MAGI2: variants seen among roughly 807,000 people sequenced by gnomAD.
MAGI2 encodes membrane-associated guanylate kinase, WW and PDZ domain-containing protein 2.
Under a neutral mutation model 133.3 loss-of-function variants are expected in MAGI2, and 35 were observed. The ratio of observed to expected loss-of-function variants is 0.26; its 90% CI spans 0.20 to 0.35. The LOEUF (loss-of-function observed/expected upper bound fraction) is 0.35. Ranked by LOEUF, MAGI2 falls within the 10% of genes least tolerant of loss-of-function variation. MAGI2 has a pLI of 1.00. For missense variants in MAGI2, 1,636 were observed against 1,863.4 expected (o/e 0.88, Z 2.25); for synonymous variants, 729 against 710.6 (o/e 1.03, Z -0.41).
intron 6 of MAGI2, among the ~76,000 whole-genome samples, chr7:78,410,893 TAATTTATA>T (rs1797811751): frequency 6.6e-6 from 1 of 152,044 alleles, no homozygotes; most frequent in Non-Finnish European, 1.5e-5. Flanking sequence ...GCTCGGGAGC[TAATTTATA>T]AATATAAGCA....
chr7:78,058,005 G>A (rs866076039), intron 21 of MAGI2, among the ~76,000 whole-genome samples: 136 of 89,282 alleles, frequency 1.5e-3, no homozygotes, highest in Non-Finnish European at 2.2e-3. Flanking sequence ...ATATATATAT[G>A]TATGAGAAAC....
intron 3 of MAGI2, among the ~76,000 whole-genome samples, chr7:78,560,438 C>A (rs999192765): frequency 1.3e-5 from 2 of 152,028 alleles, no homozygotes; most frequent in Non-Finnish European, 2.9e-5. Context: ...AATAAAATAG[C>A]ATGGAAAAAT....
intron 20 of MAGI2, among the ~76,000 whole-genome samples, chr7:78,093,151 A>AAG (rs1283169890): frequency 1.3e-5 from 2 of 150,014 alleles, no homozygotes; most frequent in Non-Finnish European, 3.0e-5. Flanking sequence ...AAAAAAAAAA[A>AAG]AAAAAAAAAA....
At chr7:79,208,088 T>G (rs907826341) in intron 1 of MAGI2, among the ~76,000 whole-genome samples, 1 of 151,834 alleles carries the variant, frequency 6.6e-6, no homozygotes, top group African/African-American at 2.4e-5. Context: ...AAACTACTAA[T>G]GAAAACATAG....
At chr7:79,003,524 T>C (rs1218023773) in intron 2 of MAGI2, among the ~76,000 whole-genome samples, 1 of 152,190 alleles carries the variant, frequency 6.6e-6, no homozygotes, top group Non-Finnish European at 1.5e-5. Context: ...CAGTAGTCTG[T>C]TTTCCTTCTA....
At chr7:78,599,044 T>C (rs1357895244) in intron 3 of MAGI2, among the ~76,000 whole-genome samples, 1 of 152,190 alleles carries the variant, frequency 6.6e-6, no homozygotes, top group Non-Finnish European at 1.5e-5. Flanking sequence ...TACCACTTTA[T>C]ACGCAACAAA....
intron 2 of MAGI2, among the ~76,000 whole-genome samples, chr7:78,702,367 A>G (rs1178611969): frequency 2.6e-5 from 4 of 151,960 alleles, no homozygotes; most frequent in Admixed American, 2.6e-4. Flanking sequence ...TGTATAAAAC[A>G]TTACAAGCAA....
intron 3 of MAGI2, among the ~76,000 whole-genome samples, chr7:78,563,017 G>T (rs1369531450): frequency 1.3e-5 from 2 of 149,178 alleles, no homozygotes; most frequent in African/African-American, 4.9e-5. Context: ...TTTAATGAGT[G>T]GTCATTTGAT....
At position 79,228,234 on chromosome 7, in the gene MAGI2, C is replaced by T. The variant is rs1164386497; in HGVS notation, c.302-221028G>A. On this transcript the variant is annotated intron_variant, in intron 1 of 21. Transcript: ENST00000354212. ...TGGCATGTACCTGTAGTACTAGCTA[C>T]TCAGGAGGCTGAGGTTGGGGATTGC... Among the ~76,000 whole-genome samples, 4 of 150,702 alleles carry T rather than the reference C, an allele frequency of 2.7e-5. No homozygotes were observed. In the Admixed American group the frequency reaches 2.7e-4, roughly 10 times the overall value.
At chr7:79,399,748 A>G (rs1190554239) in intron 1 of MAGI2, among the ~76,000 whole-genome samples, 1 of 152,202 alleles carries the variant, frequency 6.6e-6, no homozygotes, top group Non-Finnish European at 1.5e-5. Context: ...TTGTATTTTC[A>G]AAATTCATGC....
At chr7:78,846,941 C>T (rs1792668148) in intron 2 of MAGI2, among the ~76,000 whole-genome samples, 1 of 151,802 alleles carries the variant, frequency 6.6e-6, no homozygotes, top group African/African-American at 2.4e-5. Context: ...GGAAAAGCTC[C>T]CCAGGTGGTC....
chr7:78,562,821 C>T (rs1259199286), intron 3 of MAGI2, among the ~76,000 whole-genome samples: 1 of 152,106 alleles, frequency 6.6e-6, no homozygotes, highest in Non-Finnish European at 1.5e-5. Context: ...ACTGCATCTC[C>T]CTAGAAGGGA....
intron 2 of MAGI2, among the ~76,000 whole-genome samples, chr7:78,830,517 T>C (rs1791050836): frequency 1.3e-5 from 2 of 152,210 alleles, no homozygotes; most frequent in Admixed American, 1.3e-4. Flanking sequence ...TTTTAAATTT[T>C]AAAATTTGCT....
chr7:79,176,408 T>C (rs1394039680), intron 1 of MAGI2, among the ~76,000 whole-genome samples: 1 of 152,028 alleles, frequency 6.6e-6, no homozygotes, highest in African/African-American at 2.4e-5. Context: ...CACCTTTCCC[T>C]CTGCACAGTA....
intron 2 of MAGI2, among the ~76,000 whole-genome samples, chr7:78,799,248 T>A (rs753450869): frequency 6.6e-6 from 1 of 152,148 alleles, no homozygotes; most frequent in Non-Finnish European, 1.5e-5. Context: ...AGGGGCTGTA[T>A]ATGACTATTC....
chr7:78,784,584 C>CCTAT (rs1409933619), intron 2 of MAGI2, among the ~76,000 whole-genome samples: 1 of 152,086 alleles, frequency 6.6e-6, no homozygotes, highest in African/African-American at 2.4e-5. Context: ...AGGGTGCTGC[C>CCTAT]CTATACCCAG....
intron 2 of MAGI2, among the ~76,000 whole-genome samples, chr7:78,823,994 A>G (rs111808108): frequency 1.3e-5 from 2 of 152,156 alleles, no homozygotes; most frequent in African/African-American, 4.8e-5. Flanking sequence ...GAAATTTCTC[A>G]GATTAGTCTT....
intron 6 of MAGI2, among the ~76,000 whole-genome samples, chr7:78,441,797 A>C (rs945146868): frequency 8.5e-5 from 13 of 152,360 alleles, no homozygotes; most frequent in Admixed American, 1.3e-4. Context: ...CTCCCACTAC[A>C]GGAATGAAAT....
At chr7:79,377,009 A>G (rs2129139249) in intron 1 of MAGI2, among the ~76,000 whole-genome samples, 1 of 152,002 alleles carries the variant, frequency 6.6e-6, no homozygotes, top group South Asian at 2.1e-4. Context: ...GAAAAATTAT[A>G]AAAAGTAAAA....
Sources: allele counts gnomAD v4.1 joint callset (sites outside exome capture counted in the v4.1 genomes callset), GRCh38; gene constraint gnomAD v4.1.1; transcripts MANE v1.5; gene names NCBI Gene and HGNC (gene_info 2026-07-23, HGNC 2026-07-21).